SEMA3F: variants seen among roughly 807,000 people sequenced by gnomAD.
SEMA3F encodes semaphorin-3F.
Under a neutral mutation model 98.5 loss-of-function variants are expected in SEMA3F, and 30 were observed. That is an observed-to-expected ratio of 0.30 (90% CI 0.23 to 0.41). The LOEUF (loss-of-function observed/expected upper bound fraction) is 0.41. Ranked by LOEUF, SEMA3F falls within the 10% of genes least tolerant of loss-of-function variation. The probability of loss-of-function intolerance (pLI) is 1.00; values close to 1 mark genes in which losing one functional copy is unlikely to be tolerated. For missense variants in SEMA3F, 866 were observed against 1,119.3 expected, an observed-to-expected ratio of 0.77 and a Z score of 3.23; for synonymous variants, 380 against 444.8, an observed-to-expected ratio of 0.85 and a Z score of 1.83.
chr3:50,183,115 G>T, intron 10 of SEMA3F, 71 bp from the exon 11 acceptor site: 1 of 1,569,702 alleles, frequency 6.4e-7, no homozygotes, highest in Non-Finnish European at 8.8e-7. Context: ...CCCCTCCCCT[G>T]TGCAGGAGTG....
At chr3:50,184,864 G>T in intron 13 of SEMA3F, 50 bp downstream of exon 13, 1 of 1,430,086 alleles carries the variant, frequency 7.0e-7, no homozygotes, top group East Asian at 2.4e-5. Flanking sequence ...ACCGGGTGCG[G>T]GGTGCAGATC....
chr3:50,174,956 A>C, intron 5 of SEMA3F, 140 bp from the exon 6 acceptor site: 2 of 656,538 alleles, frequency 3.0e-6, no homozygotes, highest in Non-Finnish European at 5.7e-6. Flanking sequence ...GTATGTATGT[A>C]CACACGCATA....
At position 50,183,190 on chromosome 3, in the gene SEMA3F, C is replaced by T. The variant is rs188145590; in HGVS notation, c.1023C>T (p.Asp341=). 9.9e-6 allele frequency: 16 copies of T among 1,613,988 alleles called. No individual in the cohort carries two copies. The highest frequency in any genetic ancestry group is 6.7e-5 in the East Asian group (3 of 44,882). The change falls in exon 11 of 19, where the codon GAC becomes GAT. Residue 341 remains aspartate, a synonymous_variant. Transcript: ENST00000002829. ...ACCTTCTCCCTCTGTCCCCAGAGGA[C>T]GTGTTTGTCCAGCAGACCCAGGACG... ...GIETHFDELQ[D]VFVQQTQDVR... is the part of the protein sequence containing the mutation.
chr3:50,185,505 A>C lies in SEMA3F; in HGVS notation c.1519A>C (p.Met507Leu). 4.3e-6 allele frequency: 7 copies of C among 1,613,884 alleles called. No homozygotes were observed. The highest frequency in any genetic ancestry group is 1.1e-5 in the South Asian group (1 of 91,074). Residue 507 changes from methionine to leucine, a missense_variant, in exon 14 of 19, where the codon ATG (methionine) becomes CTG (leucine). Around this residue, in one of 3 missense-constraint regions of SEMA3F, gnomAD observed 374 missense variants for 582.8 expected, o/e 0.64. Coordinates refer to ENST00000002829, the MANE Select transcript of SEMA3F (RefSeq NM_004186.5). ...GGATGACCAGGAGTTGGAGGAGCTC[A>C]TGCTGGAGGAGGTGGAGGTCTTCAA... ...PKDDQELEELMLEEVEVFKDP... is the reference protein window; with the variant it reads ...PKDDQELEELLLEEVEVFKDP...
rs900398994 is a variant in SEMA3F, at chr3:50,186,022, C to T, written c.1721C>T (p.Ser574Phe). The T allele has an allele frequency of 5.0e-6, 8 of 1,613,186 alleles. No homozygotes were observed. Among genetic ancestry groups the T allele is most frequent in the Admixed American group, 3.3e-5 (2 of 59,950 alleles). ...PYCAWDGQAC[S>F]RYTASSKRRS... ...TGTGCCTGGGATGGCCAGGCCTGCT[C>T]CCGCTATACAGCATCCTCCAAGAGG... Residue 574 changes from serine (S) to phenylalanine (F), a missense_variant, in exon 16 of 19, where the codon TCC (serine) becomes TTC (phenylalanine). Transcript: ENST00000002829.
intron 2 of SEMA3F, 53 bp from the exon 3 acceptor site, chr3:50,173,740 T>C: frequency 6.5e-7 from 1 of 1,546,844 alleles, no homozygotes; most frequent in East Asian, 2.3e-5. Context: ...AGAGGGGGTA[T>C]GGCTGGATGG....
At chr3:50,176,672 CT>C (rs1051688598) in intron 6 of SEMA3F, 95 bp from the exon 7 acceptor site, 87 of 888,602 alleles carry the variant, frequency 9.8e-5, no homozygotes, top group Non-Finnish European at 1.5e-4. Flanking sequence ...CGGGGTATGC[CT>C]GGGGGCTCAT....
In SEMA3F at chr3:50,166,350, T is replaced by C. The variant is rs902028208; in HGVS notation, c.112+6616T>C. Among the ~76,000 whole-genome samples, 3 of 152,332 alleles carry C rather than the reference T, an allele frequency of 2.0e-5. No homozygotes were observed. In the South Asian group the frequency reaches 6.2e-4, roughly 32 times the overall value. ...CTACAATTGGCAGAGCGGCTAGAAT[T>C]TGGGAGCCCTTTGGGCTCCTACAGC... is the stretch of plus-strand genomic sequence containing the variant. On this transcript the variant is annotated intron_variant, in intron 2 of 18. Coordinates refer to ENST00000002829, the MANE Select transcript of SEMA3F (RefSeq NM_004186.5). This position sits in a 1 kb window ranked among gnomAD's most constrained non-coding sequence, Gnocchi z 4.7.
chr3:50,173,012 C>G (rs958136204), intron 2 of SEMA3F, among the ~76,000 whole-genome samples: 1 of 152,222 alleles, frequency 6.6e-6, no homozygotes, highest in Non-Finnish European at 1.5e-5. Context: ...CACCTACCGC[C>G]CTTTCATTGG....
At chr3:50,171,562 A>T (rs558045242) in intron 2 of SEMA3F, among the ~76,000 whole-genome samples, 21 of 151,984 alleles carry the variant, frequency 1.4e-4, no homozygotes, top group Non-Finnish European at 2.9e-4. Context: ...GGCATGACCG[A>T]GCCATGCCCC....
At chr3:50,159,387 C>T in intron 1 of SEMA3F, 188 bp from the exon 2 acceptor site, 1 of 495,744 alleles carries the variant, frequency 2.0e-6, no homozygotes, top group East Asian at 3.7e-5. Context: ...AGGCTGGGGC[C>T]TATTGGTACT....
chr3:50,186,772 C>G (rs1352000260), intron 18 of SEMA3F, 26 bp downstream of exon 18: 1 of 1,570,814 alleles, frequency 6.4e-7, no homozygotes, highest in Non-Finnish European at 8.7e-7. Flanking sequence ...CGGTGCTGCA[C>G]CGTGGATGTG....
chr3:50,179,827 G>C (rs1430964472), intron 7 of SEMA3F, among the ~76,000 whole-genome samples: 1 of 152,168 alleles, frequency 6.6e-6, no homozygotes, highest in East Asian at 1.9e-4. Context: ...TTCTTCTCCA[G>C]CTTCCTCTCT....
rs762990642 is a variant in SEMA3F at position 50,186,057 on chromosome 3, C to G, written c.1745+11C>G. The G allele has an allele frequency of 1.9e-6, 3 of 1,594,082 alleles. No individual in the cohort carries two copies. The highest frequency in any genetic ancestry group is 1.1e-5 in the South Asian group (1 of 90,086). ...AGCATCCTCCAAGAGGTGTGGACCC[C>G]TAGACACCTAGAATTTTAGCAACCA... On this transcript the variant is annotated intron_variant, in intron 16 of 18. Coordinates refer to ENST00000002829, the MANE Select transcript of SEMA3F (RefSeq NM_004186.5).
Position 50,182,563 on chromosome 3 carries a change from A to C in SEMA3F, c.764-81A>C. 1 of 1,584,908 alleles carries C rather than the reference A, an allele frequency of 6.3e-7. No homozygotes were observed. Among genetic ancestry groups the C allele is most frequent in the Non-Finnish European group, 8.6e-7 (1 of 1,161,338 alleles). On this transcript the variant is annotated intron_variant, in intron 8 of 18. Coordinates refer to ENST00000002829, the MANE Select transcript of SEMA3F (RefSeq NM_004186.5). The surrounding 1 kb of genome is among the most constrained non-coding windows in gnomAD (Gnocchi z 4.5). ...GGAGAGGAGTTGGGGGTGTTCTTGC[A>C]CCTGGCTGGGGATTCTGTTGGAGAA...
chr3:50,173,890 C>T lies in SEMA3F; in HGVS notation c.210C>T (p.Tyr70=), dbSNP rs777707294. Residue 70 remains tyrosine (Y), a synonymous_variant, in exon 3 of 19, where the codon TAC becomes TAT. Coordinates refer to ENST00000002829, the MANE Select transcript of SEMA3F (RefSeq NM_004186.5). ...LLKDEDHDRM[Y]VGSKDYVLSL... is the part of the protein sequence containing the mutation. ...AGGACGAGGACCACGACCGCATGTA[C>T]GTGGGCAGCAAGGACTACGTGCTGT... 11 of 1,614,150 alleles carry T rather than the reference C, an allele frequency of 6.8e-6. No individual in the cohort carries two copies. Among genetic ancestry groups the T allele is most frequent in the Admixed American group, 1.7e-5 (1 of 60,026 alleles).
rs543745993 is a variant in SEMA3F at position 50,158,324 on chromosome 3, G to A, written c.-48-1251G>A. On this transcript the variant is annotated intron_variant, in intron 1 of 18. Transcript: ENST00000002829. This position sits in a 1 kb window ranked among gnomAD's most constrained non-coding sequence, Gnocchi z 4.8. ...AGAGAACATTCACACAGAGGGTACC[G>A]CGTAAGGAGTGGGCCAAGAGGCTGA... 1.9e-4 allele frequency among the ~76,000 whole-genome samples: 29 copies of A among 152,366 alleles called. No homozygotes were observed. The highest frequency in any genetic ancestry group is 6.7e-4 in the African/African-American group (28 of 41,590).
chr3:50,171,155 C>G (rs1250502566), intron 2 of SEMA3F, among the ~76,000 whole-genome samples: 1 of 152,210 alleles, frequency 6.6e-6, no homozygotes, highest in African/African-American at 2.4e-5. Flanking sequence ...CCACCCCCAC[C>G]TCCACCCAGG....
chr3:50,176,092 G>A (rs73080992), intron 6 of SEMA3F, among the ~76,000 whole-genome samples: 9,617 of 152,186 alleles, frequency 0.063, 435 homozygotes, highest in South Asian at 0.14. Flanking sequence ...CTTGCAGGCT[G>A]GGCTGGGAGG....
Sources: allele counts gnomAD v4.1 joint callset (sites outside exome capture counted in the v4.1 genomes callset), GRCh38; gene constraint gnomAD v4.1.1; regional missense constraint gnomAD v4.1.1; non-coding constraint Gnocchi (gnomAD v3.1); transcripts MANE v1.5; gene names NCBI Gene and HGNC (gene_info 2026-07-23, HGNC 2026-07-21).